PGM3: variants seen among roughly 807,000 people sequenced by gnomAD.
PGM3 encodes the protein phosphoacetylglucosamine mutase.
PGM3 carries 40 observed loss-of-function variants against 66.2 expected under a neutral mutation model. The observed-to-expected ratio is 0.60, with a 90% CI of 0.47 to 0.79. The LOEUF (loss-of-function observed/expected upper bound fraction) is 0.79. PGM3 is among the 30% of genes least tolerant of loss of function. The pLI is 0.00. For synonymous variants in PGM3, 191 were observed against 224.2 expected, an observed-to-expected ratio of 0.85 and a Z score of 1.32; for missense variants, 537 against 643.4, an observed-to-expected ratio of 0.83 and a Z score of 1.79.
Position 83,167,493 on chromosome 6 carries a change from T to C in PGM3, c.*1741A>G. The stretch of plus-strand genomic sequence containing the variant: ...TTGTTCCTTTTTTCTGTAGTAATTT[T>C]GTGACCTAGTCCTTGGTTACAGTAG... On this transcript the variant is annotated 3_prime_UTR_variant, in exon 13 of 13. Transcript: ENST00000513973. The C allele has an allele frequency of 2.0e-6, 2 of 1,002,172 alleles. No individual in the cohort carries two copies. The highest frequency in any genetic ancestry group is 2.4e-6 in the Non-Finnish European group (2 of 841,368). 62.1% of individuals were successfully genotyped at this position (1,002,172 alleles called of 1,614,324 possible). A position where few individuals can be genotyped will look rare whatever the true frequency, so the allele number is the denominator to read the frequency against.
intron 1 of PGM3, chr6:83,191,410 A>T (rs778085045): frequency 1.0e-4 from 62 of 620,696 alleles, no homozygotes; most frequent in Non-Finnish European, 1.5e-4. Context: ...AACCTAAATT[A>T]ACATAGATAG....
At chr6:83,172,464 G>C (rs1454049587) in intron 10 of PGM3, among the ~76,000 whole-genome samples, 1 of 152,064 alleles carries the variant, frequency 6.6e-6, no homozygotes, top group Non-Finnish European at 1.5e-5. Flanking sequence ...TTTGAAACCA[G>C]CCTGGCCAAC....
chr6:83,163,061 T>C (rs1784606985), downstream of PGM3: 6 of 861,592 alleles, frequency 7.0e-6, no homozygotes, highest in Admixed American at 1.0e-4. Flanking sequence ...TGAGAGTTAA[T>C]GTCCATAAGC....
At chr6:83,159,459 G>C (rs1314775054), downstream of PGM3, among the ~76,000 whole-genome samples, 1 of 149,792 alleles carries the variant, frequency 6.7e-6, no homozygotes, top group South Asian at 2.1e-4. Context: ...TTTTTTGTCT[G>C]TGTGTATTTT....
the PGM3 span, among the ~76,000 whole-genome samples, chr6:83,155,323 G>A: frequency 1.3e-5 from 2 of 151,824 alleles, no homozygotes; most frequent in Non-Finnish European, 1.5e-5. Flanking sequence ...AAATTAAACT[G>A]GCCAAATGTG....
rs997760769 is a variant in PGM3, at chr6:83,178,864, C to T, written c.946-108G>A. 8 of 715,116 alleles carry T rather than the reference C, an allele frequency of 1.1e-5. No homozygotes were observed. The African/African-American group carries it at 1.2e-4, about 11-fold the overall frequency. The allele number at this position is 715,116 out of a possible 1,614,324, so 44.3% of individuals were successfully genotyped here. On this transcript the variant is annotated intron_variant, in intron 7 of 12. Coordinates refer to ENST00000513973, the MANE Select transcript of PGM3 (RefSeq NM_015599.3). ...AAAATTATCAGCCAGTTCAGTTGTG[C>T]CTTAGTTTATGCCAAAAATGTCTGA...
At chr6:83,158,743 T>G, downstream of PGM3, 1 of 712,756 alleles carries the variant, frequency 1.4e-6, no homozygotes, top group South Asian at 2.1e-5. Flanking sequence ...ATTATCTAAT[T>G]GATTACGTTT....
In PGM3 at chr6:83,166,878, G is replaced by A. The variant is rs1389045694; in HGVS notation, c.*2356C>T. The A allele has an allele frequency of 3.0e-6, 3 of 991,808 alleles. No individual in the cohort carries two copies. Among genetic ancestry groups the A allele is most frequent in the South Asian group, 4.6e-5 (1 of 21,744 alleles). The allele number at this position is 991,808 out of a possible 1,614,324, so 61.4% of individuals were successfully genotyped here. On this transcript the variant is annotated 3_prime_UTR_variant, in exon 13 of 13. Coordinates refer to ENST00000513973, the MANE Select transcript of PGM3 (RefSeq NM_015599.3). ...ACTCCATTTGTTAATATGACAGATT[G>A]TAATTCTGCTTCCTAAGTCTTCATG...
At chr6:83,186,866 G>C in intron 4 of PGM3, 142 bp downstream of exon 4, 1 of 493,044 alleles carries the variant, frequency 2.0e-6, no homozygotes, top group African/African-American at 2.0e-5. Context: ...TTTAAAGTTA[G>C]TATTTTGTAT....
intron 3 of PGM3, chr6:83,188,358 T>C (rs533149128): frequency 6.2e-4 from 195 of 316,182 alleles, no homozygotes; most frequent in Non-Finnish European, 9.2e-4. Flanking sequence ...GCTTCTCTTG[T>C]GTCAGGAAGT....
chr6:83,189,276 C>T (rs1180393322), intron 2 of PGM3, among the ~76,000 whole-genome samples: 1 of 152,180 alleles, frequency 6.6e-6, no homozygotes. Flanking sequence ...ACTCCAAGAA[C>T]ACACTAGCCA....
chr6:83,163,058 T>G (rs1784606075), downstream of PGM3: 1 of 876,592 alleles, frequency 1.1e-6, no homozygotes. Flanking sequence ...TTTTGAGAGT[T>G]AATGTCCATA....
chr6:83,168,183 C>A lies in PGM3; in HGVS notation c.*1051G>T. ...AAAAACTTGAGCACCATTGCTGGTT[C>A]CATTTAGCTTACATGTAAATGTAAT... On this transcript the variant is annotated 3_prime_UTR_variant, in exon 13 of 13. Transcript: ENST00000513973. 6.2e-7 allele frequency: 1 copy of A among 1,601,442 alleles called. No individual in the cohort carries two copies. Among genetic ancestry groups the A allele is most frequent in the South Asian group, 1.1e-5 (1 of 88,870 alleles).
intron 10 of PGM3, among the ~76,000 whole-genome samples, chr6:83,172,767 A>G (rs979255260): frequency 6.6e-6 from 1 of 152,214 alleles, no homozygotes; most frequent in Admixed American, 6.5e-5. Context: ...GCTATGATAC[A>G]TCGTTTCCAT....
the PGM3 span, among the ~76,000 whole-genome samples, chr6:83,149,195 A>T: frequency 6.6e-6 from 1 of 152,158 alleles, no homozygotes; most frequent in Non-Finnish European, 1.5e-5. Context: ...AACTTCACAG[A>T]GGAGGGACAC....
In PGM3 at chr6:83,166,007, T is replaced by A. The variant is rs1040381331; in HGVS notation, c.*3227A>T. Reference sequence around the variant, plus strand: ...TGGCTTTGGGAAGTGCTTTGGAGCTTCTTTCAGTCCAGCCACTGAGCTGGT... The same window carrying A: ...TGGCTTTGGGAAGTGCTTTGGAGCTACTTTCAGTCCAGCCACTGAGCTGGT... On this transcript the variant is annotated 3_prime_UTR_variant, in exon 13 of 13. Transcript: ENST00000513973. 9.9e-6 allele frequency: 3 copies of A among 303,300 alleles called. No individual in the cohort carries two copies. The highest frequency in any genetic ancestry group is 6.5e-5 in the African/African-American group (3 of 46,186). The allele number at this position is 303,300 out of a possible 1,614,324, so 18.8% of individuals were successfully genotyped here.
chr6:83,167,621 G>A lies in PGM3; in HGVS notation c.*1613C>T. ...GTTCAAAGCTATTTCTGTTAACTAA[G>A]CTTATCTGCGCATTCTAGTTGGGAA... On this transcript the variant is annotated 3_prime_UTR_variant, in exon 13 of 13. Coordinates refer to ENST00000513973, the MANE Select transcript of PGM3 (RefSeq NM_015599.3). 8.3e-7 allele frequency: 1 copy of A among 1,208,424 alleles called. No homozygotes were observed. Among genetic ancestry groups the A allele is most frequent in the Non-Finnish European group, 1.0e-6 (1 of 972,688 alleles). 74.9% of individuals were successfully genotyped at this position (1,208,424 alleles called of 1,614,324 possible).
downstream of PGM3, among the ~76,000 whole-genome samples, chr6:83,159,269 ATAAGT>A (rs913162843): frequency 6.6e-6 from 1 of 152,124 alleles, no homozygotes; most frequent in African/African-American, 2.4e-5. Context: ...TGAACATAAT[ATAAGT>A]TATGTACTAC....
downstream of PGM3, chr6:83,158,416 A>G (rs1783356725): frequency 2.0e-5 from 13 of 660,458 alleles, no homozygotes; most frequent in South Asian, 2.5e-4. Flanking sequence ...CTAAATTTGC[A>G]GTTTTACCTT....
Sources: allele counts gnomAD v4.1 joint callset (sites outside exome capture counted in the v4.1 genomes callset), GRCh38; gene constraint gnomAD v4.1.1; transcripts MANE v1.5; gene names NCBI Gene and HGNC (gene_info 2026-07-23, HGNC 2026-07-21).